DTNBP1: variants seen among roughly 807,000 people sequenced by gnomAD.
The protein encoded by DTNBP1 is dystrobrevin binding protein 1, also known as dysbindin.
Under a neutral mutation model 42.8 loss-of-function variants are expected in DTNBP1, and 35 were observed. That is an observed-to-expected ratio of 0.82 (90% CI 0.63 to 1.09). DTNBP1 has a LOEUF of 1.09. DTNBP1 is among the 50% of genes least tolerant of loss of function. DTNBP1 has a pLI of 0.00. For missense variants in DTNBP1, 457 were observed against 424.2 expected (o/e 1.08, Z -0.68); for synonymous variants, 171 against 162.2 (o/e 1.05, Z -0.41).
chr6:15,524,663 A>G lies in DTNBP1; in HGVS notation c.674T>C (p.Ile225Thr), dbSNP rs752660550. The G allele has an allele frequency of 1.4e-5, 23 of 1,612,932 alleles. No homozygotes were observed. The African/African-American group carries it at 1.6e-4, about 11-fold the overall frequency. The change falls in exon 9 of 10, where the codon ATA (isoleucine) becomes ACA (threonine). Residue 225 changes from isoleucine (I) to threonine (T), a missense_variant. By Grantham distance (89) the Ile-to-Thr change is moderately conservative. Coordinates refer to ENST00000344537, the MANE Select transcript of DTNBP1 (RefSeq NM_032122.5). ...YLQIAERREP[I>T]GSMSSMEVNV... is the part of the protein sequence containing the mutation. ...CACTTCCATGGATGACATGCTGCCTATGGGCTCTGCGGATAGATCAACACG... is the reference window on the plus strand; with the variant it reads ...CACTTCCATGGATGACATGCTGCCTGTGGGCTCTGCGGATAGATCAACACG...
chr6:15,653,917 G>A (rs1761149267), intron 1 of DTNBP1, among the ~76,000 whole-genome samples: 1 of 152,152 alleles, frequency 6.6e-6, no homozygotes, highest in Admixed American at 6.5e-5. Context: ...ACTAATGCAT[G>A]GTACAGTATA....
At chr6:15,525,302 T>C (rs1772306907) in intron 8 of DTNBP1, among the ~76,000 whole-genome samples, 1 of 152,128 alleles carries the variant, frequency 6.6e-6, no homozygotes, top group African/African-American at 2.4e-5. Context: ...GCCCCACAGG[T>C]CTTTACTCAT....
intron 5 of DTNBP1, among the ~76,000 whole-genome samples, chr6:15,620,882 T>C (rs1252640299): frequency 6.6e-6 from 1 of 152,176 alleles, no homozygotes; most frequent in Admixed American, 6.5e-5. Context: ...ACAACACATA[T>C]CTTGCAAAGC....
At chr6:15,662,753 G>T in intron 1 of DTNBP1, 61 bp downstream of exon 1, 2 of 1,603,098 alleles carry the variant, frequency 1.2e-6, no homozygotes, top group Non-Finnish European at 1.7e-6. Context: ...GCGAGGCAGG[G>T]GCATCCCAGG....
chr6:15,581,338 C>T (rs2113575121), intron 7 of DTNBP1, among the ~76,000 whole-genome samples: 1 of 151,996 alleles, frequency 6.6e-6, no homozygotes, highest in South Asian at 2.1e-4. Context: ...TGCCACCACG[C>T]CTGGCTAATT....
chr6:15,581,569 C>A (rs1477545305), intron 7 of DTNBP1, among the ~76,000 whole-genome samples: 1 of 150,596 alleles, frequency 6.6e-6, no homozygotes, highest in Non-Finnish European at 1.5e-5. Flanking sequence ...CAACCTCTGC[C>A]TCCCAGGTTC....
At chr6:15,545,317 C>T (rs1403864004) in intron 7 of DTNBP1, among the ~76,000 whole-genome samples, 1 of 152,156 alleles carries the variant, frequency 6.6e-6, no homozygotes, top group Admixed American at 6.5e-5. Context: ...TCAAAACAGA[C>T]ATATTTATTT....
intron 5 of DTNBP1, among the ~76,000 whole-genome samples, chr6:15,624,179 C>T (rs1258087218): frequency 6.6e-6 from 1 of 152,186 alleles, no homozygotes; most frequent in Non-Finnish European, 1.5e-5. Flanking sequence ...ACCTACAAGA[C>T]AGGTATGCTC....
rs369527329 is a variant in DTNBP1, at chr6:15,564,011, T to C, written c.511+29048A>G. 1.5e-3 allele frequency among the ~76,000 whole-genome samples: 225 copies of C among 150,596 alleles called. 1 individual carries two copies. The highest frequency in any genetic ancestry group is 5.0e-3 in the African/African-American group (203 of 40,836). On this transcript the variant is annotated intron_variant, in intron 7 of 9. Coordinates refer to ENST00000344537, the MANE Select transcript of DTNBP1 (RefSeq NM_032122.5). ...ATCACTTGAACTTGGGAGGTGGAGG[T>C]TGCAGTAAGCTGAGGTCATGCCACC...
At chr6:15,599,572 C>A (rs1776644582) in intron 6 of DTNBP1, among the ~76,000 whole-genome samples, 2 of 152,122 alleles carry the variant, frequency 1.3e-5, no homozygotes, top group African/African-American at 4.8e-5. Context: ...AACATCCAGG[C>A]AACATCTGGG....
intron 4 of DTNBP1, among the ~76,000 whole-genome samples, chr6:15,633,581 T>G (rs1476149963): frequency 6.6e-6 from 1 of 152,220 alleles, no homozygotes; most frequent in South Asian, 2.1e-4. Context: ...TGATCAAGCA[T>G]GAATGGATGA....
chr6:15,652,678 A>C (rs1252734091), intron 1 of DTNBP1, among the ~76,000 whole-genome samples: 1 of 152,052 alleles, frequency 6.6e-6, no homozygotes, highest in Admixed American at 6.6e-5. Context: ...CCCAGGCTAG[A>C]GTATAGTGGT....
At chr6:15,565,341 C>T (rs1206976641) in intron 7 of DTNBP1, among the ~76,000 whole-genome samples, 1 of 152,098 alleles carries the variant, frequency 6.6e-6, no homozygotes, top group Non-Finnish European at 1.5e-5. Context: ...GGAATCTACG[C>T]AAGAGGATGA....
intron 7 of DTNBP1, among the ~76,000 whole-genome samples, chr6:15,539,674 T>C (rs1773448118): frequency 6.6e-6 from 1 of 152,222 alleles, no homozygotes; most frequent in Admixed American, 6.5e-5. Flanking sequence ...TGGACGATTC[T>C]AGGAGGCGTT....
At chr6:15,651,427 T>C (rs1279978652) in intron 2 of DTNBP1, 64 bp from the exon 3 acceptor site, 7 of 1,491,984 alleles carry the variant, frequency 4.7e-6, no homozygotes, top group Admixed American at 1.8e-5. Context: ...AAAAAAAAGG[T>C]ACATACAAGA....
rs917316275 is a variant in DTNBP1, at chr6:15,637,861, A to G, written c.162-57T>C. On this transcript the variant is annotated intron_variant, in intron 3 of 9. Coordinates refer to ENST00000344537, the MANE Select transcript of DTNBP1 (RefSeq NM_032122.5). ...AAACCACACATTAAAAGGAAATACT[A>G]TCTAAAGATGAATGTGGAATATCCT... 1.8e-5 allele frequency: 28 copies of G among 1,519,136 alleles called. No homozygotes were observed. The South Asian group carries it at 2.0e-4, about 11-fold the overall frequency. The allele number at this position is 1,519,136 out of a possible 1,614,324, so 94.1% of individuals were successfully genotyped here. A position where few individuals can be genotyped will look rare whatever the true frequency, so the allele number is the denominator to read the frequency against.
At chr6:15,544,097 CT>C (rs1238649996) in intron 7 of DTNBP1, among the ~76,000 whole-genome samples, 8 of 152,190 alleles carry the variant, frequency 5.3e-5, no homozygotes, top group Non-Finnish European at 8.8e-5. Flanking sequence ...CCATGCCCTC[CT>C]TCCCCAAACA....
intron 5 of DTNBP1, among the ~76,000 whole-genome samples, chr6:15,619,424 T>C (rs1167165911): frequency 1.3e-5 from 2 of 152,168 alleles, no homozygotes; most frequent in East Asian, 1.9e-4. Flanking sequence ...GAGAAAATCA[T>C]TGCAGAACAT....
At position 15,662,837 on chromosome 6, in the gene DTNBP1, G is replaced by A; in HGVS notation, c.33C>T (p.Ser11=). 6.2e-7 allele frequency: 1 copy of A among 1,610,368 alleles called. No individual in the cohort carries two copies. Among genetic ancestry groups the A allele is most frequent in the Non-Finnish European group, 8.5e-7 (1 of 1,179,538 alleles). MLETLRERLL[S]VQQDFTSGLK... ...ACCCGGAGGTGAAATCCTGCTGCAC[G>A]CTCAGCAGCCGCTCGCGAAGGGTCT... Residue 11 remains serine, a synonymous_variant, in exon 1 of 10, where the codon AGC becomes AGT. Transcript: ENST00000344537.
Sources: allele counts gnomAD v4.1 joint callset (sites outside exome capture counted in the v4.1 genomes callset), GRCh38; gene constraint gnomAD v4.1.1; transcripts MANE v1.5; gene names NCBI Gene and HGNC (gene_info 2026-07-23, HGNC 2026-07-21).